Variants in ZNF804A observed in about 807,000 individuals in gnomAD.
ZNF804A encodes the protein zinc finger protein 804A.
ZNF804A carries 2 observed loss-of-function variants against 16.5 expected under a neutral mutation model. The ratio of observed to expected loss-of-function variants is 0.12; its 90% CI spans 0.05 to 0.38. The LOEUF (loss-of-function observed/expected upper bound fraction) is 0.38. Ranked by LOEUF, ZNF804A falls within the 10% of genes least tolerant of loss-of-function variation. The pLI is 0.99. For missense variants in ZNF804A, 1,473 were observed against 1,390.7 expected (o/e 1.06, Z -0.94); for synonymous variants, 534 against 489.6 (o/e 1.09, Z -1.20).
At chr2:184,641,417 T>C (rs968076128) in intron 1 of ZNF804A, among the ~76,000 whole-genome samples, 4 of 152,100 alleles carry the variant, frequency 2.6e-5, no homozygotes, top group Admixed American at 2.6e-4. Flanking sequence ...AAGGATGAAA[T>C]TGACTAGGAA....
At chr2:184,820,537 A>G (rs1382675754) in intron 1 of ZNF804A, among the ~76,000 whole-genome samples, 1 of 152,158 alleles carries the variant, frequency 6.6e-6, no homozygotes, top group Non-Finnish European at 1.5e-5. Flanking sequence ...CACCACTGCT[A>G]TTCAACATAG....
intron 1 of ZNF804A, among the ~76,000 whole-genome samples, chr2:184,727,550 TTC>T (rs1693433162): frequency 6.6e-6 from 1 of 151,674 alleles, no homozygotes; most frequent in Admixed American, 6.6e-5. Flanking sequence ...TTTTATATTT[TTC>T]TGTTTGTGTA....
chr2:184,903,981 C>T lies in ZNF804A; in HGVS notation c.256-29622C>T, dbSNP rs527680821. ...AAATAAAGAAAACTCTAAAGATTCC[C>T]GAAAAAAACCCTGTTAGAGCTAATA... On this transcript the variant is annotated intron_variant, in intron 2 of 3. Transcript: ENST00000302277. Among the ~76,000 whole-genome samples the T allele has an allele frequency of 3.3e-3, 501 of 151,828 alleles. 2 individuals carry two copies. Among genetic ancestry groups the T allele is most frequent in the African/African-American group, 0.011 (476 of 41,440 alleles).
intron 1 of ZNF804A, among the ~76,000 whole-genome samples, chr2:184,648,396 AAATCTC>A (rs1691918340): frequency 6.6e-6 from 1 of 152,196 alleles, no homozygotes; most frequent in Non-Finnish European, 1.5e-5. Context: ...GATAGGATAA[AAATCTC>A]ACATATCAAT....
In ZNF804A at chr2:184,875,430, C is replaced by T. The variant is rs539570315; in HGVS notation, c.255+8918C>T. 5.3e-5 allele frequency among the ~76,000 whole-genome samples: 8 copies of T among 152,192 alleles called. No individual in the cohort carries two copies. The South Asian group carries it at 1.7e-3, about 32-fold the overall frequency. ...GCACCTCCTCCCTCTCTTTCTTGTG[C>T]CCTCTCTGGCCATGTGATCTTCCCA... On this transcript the variant is annotated intron_variant, in intron 2 of 3. Coordinates refer to ENST00000302277, the MANE Select transcript of ZNF804A (RefSeq NM_194250.2).
intron 1 of ZNF804A, among the ~76,000 whole-genome samples, chr2:184,635,166 A>G (rs1454308920): frequency 6.6e-6 from 1 of 152,162 alleles, no homozygotes; most frequent in Non-Finnish European, 1.5e-5. Flanking sequence ...AATTGTATGT[A>G]CCTGTCGAGC....
At chr2:184,721,729 C>T (rs1164300051) in intron 1 of ZNF804A, among the ~76,000 whole-genome samples, 2 of 152,124 alleles carry the variant, frequency 1.3e-5, no homozygotes, top group Admixed American at 6.6e-5. Context: ...ACCCAGCAAT[C>T]TCACTAGTGT....
intron 2 of ZNF804A, among the ~76,000 whole-genome samples, chr2:184,871,432 A>C: frequency 6.6e-6 from 1 of 150,890 alleles, no homozygotes; most frequent in African/African-American, 2.4e-5. Flanking sequence ...AAAAAAAACA[A>C]AAAAAAACTC....
At chr2:184,928,775 A>G (rs984596912) in intron 2 of ZNF804A, among the ~76,000 whole-genome samples, 1 of 152,198 alleles carries the variant, frequency 6.6e-6, no homozygotes, top group Non-Finnish European at 1.5e-5. Flanking sequence ...GGTGAGCATC[A>G]GTGGAGTTCA....
At chr2:184,700,456 A>G (rs759987832) in intron 1 of ZNF804A, among the ~76,000 whole-genome samples, 1 of 152,074 alleles carries the variant, frequency 6.6e-6, no homozygotes, top group Non-Finnish European at 1.5e-5. Flanking sequence ...TAAGAATTAT[A>G]TGAAGTCCAT....
intron 1 of ZNF804A, among the ~76,000 whole-genome samples, chr2:184,829,929 CAAA>C (rs1225922566): frequency 1.1e-4 from 8 of 72,606 alleles, no homozygotes; most frequent in African/African-American, 6.9e-4. Flanking sequence ...AAAACAAAAA[CAAA>C]AAAAAAAAAA....
intron 1 of ZNF804A, among the ~76,000 whole-genome samples, chr2:184,744,038 T>C (rs969146230): frequency 6.6e-6 from 1 of 151,932 alleles, no homozygotes; most frequent in African/African-American, 2.4e-5. Context: ...TTAAAATGAA[T>C]CCATTTTCTA....
chr2:184,842,465 T>C (rs1372505834), intron 1 of ZNF804A, among the ~76,000 whole-genome samples: 1 of 152,076 alleles, frequency 6.6e-6, no homozygotes, highest in Non-Finnish European at 1.5e-5. Context: ...GAACTATTAT[T>C]TTACCTTATT....
chr2:184,625,496 A>G (rs763299173), intron 1 of ZNF804A, among the ~76,000 whole-genome samples: 1 of 152,144 alleles, frequency 6.6e-6, no homozygotes. Flanking sequence ...GTTTCATTAC[A>G]TAAAGATGAA....
At chr2:184,618,310 T>C (rs1691359686) in intron 1 of ZNF804A, among the ~76,000 whole-genome samples, 1 of 152,156 alleles carries the variant, frequency 6.6e-6, no homozygotes, top group Admixed American at 6.6e-5. Flanking sequence ...TTTATTAACT[T>C]ACCAAAAAAG....
At chr2:184,853,359 T>A (rs1695634826) in intron 1 of ZNF804A, among the ~76,000 whole-genome samples, 1 of 152,032 alleles carries the variant, frequency 6.6e-6, no homozygotes, top group Non-Finnish European at 1.5e-5. Context: ...TATATAAGAT[T>A]ATTTTATTTG....
At chr2:184,670,549 A>G (rs2105712107) in intron 1 of ZNF804A, among the ~76,000 whole-genome samples, 1 of 152,194 alleles carries the variant, frequency 6.6e-6, no homozygotes, top group East Asian at 1.9e-4. Context: ...GTTCTTAGAT[A>G]TTGCAGTGTC....
intron 1 of ZNF804A, among the ~76,000 whole-genome samples, chr2:184,632,809 T>C (rs907409573): frequency 6.6e-6 from 1 of 152,212 alleles, no homozygotes; most frequent in Non-Finnish European, 1.5e-5. Context: ...AGAAATGTGT[T>C]CCTTCCCTAT....
At chr2:184,798,563 G>A (rs1694673207) in intron 1 of ZNF804A, among the ~76,000 whole-genome samples, 1 of 152,020 alleles carries the variant, frequency 6.6e-6, no homozygotes, top group African/African-American at 2.4e-5. Flanking sequence ...ATTTCTATAA[G>A]TGTTTCCAAT....
Sources: gnomAD v4.1 joint callset for allele counts (sites outside exome capture counted in the v4.1 genomes callset) on GRCh38, gnomAD v4.1.1 for gene constraint, MANE v1.5 for transcripts, NCBI Gene and HGNC (gene_info 2026-07-23, HGNC 2026-07-21) for gene names.